CDH13: variants seen among roughly 807,000 people sequenced by gnomAD.
CDH13 encodes the protein cadherin 13, also known as cadherin-13.
Under a neutral mutation model 63.8 loss-of-function variants are expected in CDH13, and 24 were observed. The observed-to-expected ratio is 0.38, with a 90% CI of 0.27 to 0.53. The LOEUF is 0.53. CDH13 is among the 20% of genes least tolerant of loss of function. CDH13 has a pLI of 0.85. For missense variants in CDH13, 1,049 were observed against 903.1 expected, an observed-to-expected ratio of 1.16 and a Z score of -2.07; for synonymous variants, 503 against 355.3, an observed-to-expected ratio of 1.42 and a Z score of -4.67.
chr16:82,822,562 T>A (rs955744883), intron 1 of CDH13, among the ~76,000 whole-genome samples: 1 of 152,210 alleles, frequency 6.6e-6, no homozygotes, highest in Non-Finnish European at 1.5e-5. Flanking sequence ...AGTGGTGCGA[T>A]CAAAGCTCAC....
At chr16:83,308,717 C>T (rs919423940) in intron 5 of CDH13, among the ~76,000 whole-genome samples, 1 of 152,154 alleles carries the variant, frequency 6.6e-6, no homozygotes, top group African/African-American at 2.4e-5. Context: ...TGGAAGGCTC[C>T]CCTCACCGCC....
intron 7 of CDH13, among the ~76,000 whole-genome samples, chr16:83,565,650 C>G (rs1904275486): frequency 6.6e-6 from 1 of 152,076 alleles, no homozygotes. Flanking sequence ...TTTTTTCCTG[C>G]TGCATGGGGA....
chr16:83,082,060 A>G (rs2033291352), intron 3 of CDH13, among the ~76,000 whole-genome samples: 1 of 152,134 alleles, frequency 6.6e-6, no homozygotes, highest in Non-Finnish European at 1.5e-5. Context: ...TCGGCCTCCC[A>G]AAGTGCTGGG....
At chr16:83,181,202 T>C in intron 4 of CDH13, 1 of 491,324 alleles carries the variant, frequency 2.0e-6, no homozygotes, top group Non-Finnish European at 3.6e-6. Context: ...CTCAGGCAAG[T>C]CATTTAGTAT....
intron 3 of CDH13, among the ~76,000 whole-genome samples, chr16:83,037,060 G>A (rs1243401499): frequency 6.6e-6 from 1 of 152,200 alleles, no homozygotes; most frequent in Non-Finnish European, 1.5e-5. Context: ...CAGAGAAACA[G>A]GCAGGATAAA....
intron 5 of CDH13, among the ~76,000 whole-genome samples, chr16:83,332,514 A>G (rs932376931): frequency 1.3e-5 from 2 of 152,194 alleles, no homozygotes; most frequent in African/African-American, 4.8e-5. Context: ...TGAATTTCAC[A>G]TTAGGAAAGG....
intron 4 of CDH13, among the ~76,000 whole-genome samples, chr16:83,195,791 T>C (rs551034373): frequency 2.0e-5 from 3 of 152,236 alleles, no homozygotes; most frequent in East Asian, 1.9e-4. Flanking sequence ...TGGAAGGGAA[T>C]AGACAACCCA....
chr16:83,479,138 T>C (rs1172677503), intron 6 of CDH13, among the ~76,000 whole-genome samples: 1 of 152,216 alleles, frequency 6.6e-6, no homozygotes. Flanking sequence ...GATGCATGCA[T>C]ATGTGCACTC....
chr16:83,225,791 T>C (rs2151797397), intron 5 of CDH13, among the ~76,000 whole-genome samples: 1 of 152,298 alleles, frequency 6.6e-6, no homozygotes. Flanking sequence ...GTTTTTCCAT[T>C]GTGAAGCCAA....
At chr16:82,971,134 C>T (rs1908680956) in intron 2 of CDH13, among the ~76,000 whole-genome samples, 1 of 152,170 alleles carries the variant, frequency 6.6e-6, no homozygotes, top group African/African-American at 2.4e-5. Context: ...GGAGCAGGTG[C>T]ATAAATACCC....
intron 5 of CDH13, among the ~76,000 whole-genome samples, chr16:83,225,381 T>C (rs897497483): frequency 1.3e-5 from 2 of 152,158 alleles, no homozygotes; most frequent in African/African-American, 4.8e-5. Flanking sequence ...CCAAACTGCT[T>C]TCTTTTTGTT....
At chr16:83,698,425 T>C (rs899164626) in intron 10 of CDH13, among the ~76,000 whole-genome samples, 2 of 152,244 alleles carry the variant, frequency 1.3e-5, no homozygotes, top group Admixed American at 6.5e-5. Context: ...CTAGGCACCG[T>C]TGGCTTTGAT....
intron 1 of CDH13, among the ~76,000 whole-genome samples, chr16:82,657,681 GGGAGGGT>G (rs1911456199): frequency 6.6e-6 from 1 of 152,074 alleles, no homozygotes; most frequent in African/African-American, 2.4e-5. Flanking sequence ...TTCCAATTTG[GGGAGGGT>G]AATGTAAATT....
intron 4 of CDH13, among the ~76,000 whole-genome samples, chr16:83,183,706 A>G (rs1265380454): frequency 6.6e-6 from 1 of 152,188 alleles, no homozygotes; most frequent in Non-Finnish European, 1.5e-5. Context: ...ATTGCTACTC[A>G]GGTGAGTGCT....
intron 1 of CDH13, chr16:82,704,916 G>T (rs7204311): frequency 0.48 from 156,186 of 325,224 alleles, 38,143 homozygotes; most frequent in Middle Eastern, 0.54. Context: ...TTTGTTAATT[G>T]TAACAAATCA....
intron 2 of CDH13, among the ~76,000 whole-genome samples, chr16:82,933,541 T>A (rs1260656985): frequency 6.6e-6 from 1 of 152,172 alleles, no homozygotes; most frequent in Non-Finnish European, 1.5e-5. Flanking sequence ...TTTCTCACAT[T>A]TCAAAACAAA....
chr16:83,540,873 G>T (rs992591509), intron 7 of CDH13, among the ~76,000 whole-genome samples: 5 of 152,056 alleles, frequency 3.3e-5, no homozygotes, highest in African/African-American at 1.2e-4. Flanking sequence ...CAAATGATCC[G>T]CCCGCCTCAG....
chr16:82,744,384 A>G (rs1597457022), intron 1 of CDH13, among the ~76,000 whole-genome samples: 1 of 151,374 alleles, frequency 6.6e-6, no homozygotes, highest in Non-Finnish European at 1.5e-5. Flanking sequence ...CACAATATGC[A>G]TCTATCTGTG....
In CDH13 at chr16:82,758,997, C is replaced by T. The variant is rs1202827126; in HGVS notation, c.46-99365C>T. On this transcript the variant is annotated intron_variant, in intron 1 of 13. Transcript: ENST00000567109. Reference sequence around the variant, plus strand: ...TCACCTAGTCAAGGTAGACAGTCTGCAGCCACTATCCTTCTTCACTTTCTA... The same window carrying T: ...TCACCTAGTCAAGGTAGACAGTCTGTAGCCACTATCCTTCTTCACTTTCTA... Among the ~76,000 whole-genome samples, 4 of 152,316 alleles carry T rather than the reference C, an allele frequency of 2.6e-5. No homozygotes were observed. The East Asian group carries it at 7.7e-4, about 29-fold the overall frequency.
Sources: allele counts gnomAD v4.1 joint callset (sites outside exome capture counted in the v4.1 genomes callset), GRCh38; gene constraint gnomAD v4.1.1; transcripts MANE v1.5; gene names NCBI Gene and HGNC (gene_info 2026-07-23, HGNC 2026-07-21).